The following SLC27A2 variants were observed in gnomAD, a reference collection of about 807,000 sequenced individuals.
SLC27A2 encodes solute carrier family 27 member 2.
In SLC27A2, 54 loss-of-function variants were observed where a neutral mutation model predicts 60.0. That is an observed-to-expected ratio of 0.90 (90% CI 0.72 to 1.13). The LOEUF is 1.13. Among genes scored for constraint, SLC27A2 ranks in the 50% most tolerant of loss-of-function variants. The pLI is 0.00. For missense variants in SLC27A2, 739 were observed against 777.6 expected, an observed-to-expected ratio of 0.95 and a Z score of 0.59; for synonymous variants, 297 against 297.6, an observed-to-expected ratio of 1.00 and a Z score of 0.02.
At chr15:50,212,509 G>A (rs537680129) in intron 4 of SLC27A2, among the ~76,000 whole-genome samples, 22 of 152,300 alleles carry the variant, frequency 1.4e-4, no homozygotes, top group African/African-American at 5.3e-4. Context: ...CCAAAGTTAA[G>A]ACCAAGGAAA....
At chr15:50,213,999 CA>C (rs563515592) in intron 4 of SLC27A2, among the ~76,000 whole-genome samples, 5 of 108,486 alleles carry the variant, frequency 4.6e-5, no homozygotes, top group South Asian at 3.6e-4. Flanking sequence ...AACAAACAAA[CA>C]AAAAAAAAGA....
At chr15:50,207,084 C>T (rs2045119034) in intron 4 of SLC27A2, among the ~76,000 whole-genome samples, 1 of 152,104 alleles carries the variant, frequency 6.6e-6, no homozygotes, top group African/African-American at 2.4e-5. Context: ...TTCTTCTCTA[C>T]CTTAAAGGCA....
intron 1 of SLC27A2, among the ~76,000 whole-genome samples, chr15:50,185,929 G>A (rs72737047): frequency 0.1 from 15,535 of 151,752 alleles, 886 homozygotes; most frequent in Middle Eastern, 0.14. Flanking sequence ...ACGCCTGGCC[G>A]GAAGCTTACT....
intron 4 of SLC27A2, 65 bp downstream of exon 4, chr15:50,205,428 G>A: frequency 1.3e-6 from 2 of 1,525,492 alleles, no homozygotes; most frequent in East Asian, 4.6e-5. Context: ...GTCACTTTGG[G>A]TTGTGCTAGG....
intron 4 of SLC27A2, among the ~76,000 whole-genome samples, chr15:50,218,663 A>G (rs2045220203): frequency 6.6e-6 from 1 of 152,224 alleles, no homozygotes; most frequent in East Asian, 1.9e-4. Flanking sequence ...CAGATATACA[A>G]TATTCAGATA....
chr15:50,205,179 A>T, intron 3 of SLC27A2, 60 bp from the exon 4 acceptor site: 1 of 1,552,360 alleles, frequency 6.4e-7, no homozygotes, highest in Non-Finnish European at 8.8e-7. Context: ...CAAATTAAAC[A>T]TAACTGGGAG....
intron 4 of SLC27A2, among the ~76,000 whole-genome samples, chr15:50,206,515 T>A (rs2045113585): frequency 6.6e-6 from 1 of 152,188 alleles, no homozygotes; most frequent in Non-Finnish European, 1.5e-5. Flanking sequence ...CTCACCTCAC[T>A]TTACTCAGTC....
chr15:50,224,312 A>C (rs978223882), intron 5 of SLC27A2, among the ~76,000 whole-genome samples: 2 of 151,928 alleles, frequency 1.3e-5, no homozygotes, highest in African/African-American at 2.4e-5. Context: ...TGGTGGCGGG[A>C]GCCTGTAATC....
rs754408664 is a variant in SLC27A2, at chr15:50,234,006, C to A, written c.1686+8C>A. The A allele has an allele frequency of 3.1e-6, 5 of 1,605,660 alleles. No individual in the cohort carries two copies. The highest frequency in any genetic ancestry group is 4.5e-5 in the East Asian group (2 of 44,806). ...CGGTTTCTAAGAATACAGGTGAGAT[C>A]TCTTATTATCCAGTTCAATGATCTG... On this transcript the variant is annotated splice_region_variant and intron_variant, in intron 9 of 9. Coordinates refer to ENST00000267842, the MANE Select transcript of SLC27A2 (RefSeq NM_003645.4).
intron 1 of SLC27A2, 35 bp from the exon 2 acceptor site, chr15:50,197,465 T>C (rs2045032352): frequency 1.3e-6 from 2 of 1,491,610 alleles, no homozygotes; most frequent in South Asian, 2.3e-5. Flanking sequence ...ATAGACTGAT[T>C]TAGTTTGTTT....
Position 50,216,595 on chromosome 15 carries a change from G to GGTGTGTGTGT in SLC27A2, c.973-6363_973-6354dup, listed in dbSNP as rs371273005. On this transcript the variant is annotated intron_variant, in intron 4 of 9. Transcript: ENST00000267842. ...ATCAACAAGTGGATAAAGAAACTGT[G>GGTGTGTGTGT]GTGTGTGTGTGTGTGTATATATATA... Among the ~76,000 whole-genome samples, 82 of 69,856 alleles carry GGTGTGTGTGT rather than the reference G, an allele frequency of 1.2e-3. 4 individuals are homozygous for GGTGTGTGTGT. The highest frequency in any genetic ancestry group is 3.2e-3 in the African/African-American group (63 of 19,640). The allele number at this position is 69,856 out of a possible 152,430, so 45.8% of individuals were successfully genotyped here.
intron 4 of SLC27A2, 29 bp downstream of exon 4, chr15:50,205,392 T>C: frequency 6.3e-7 from 1 of 1,585,442 alleles, no homozygotes; most frequent in Non-Finnish European, 8.6e-7. Flanking sequence ...TACTATCATT[T>C]TGAAATGGGT....
At chr15:50,199,497 GAAAAAA>G (rs1171404424) in intron 2 of SLC27A2, among the ~76,000 whole-genome samples, 2 of 141,926 alleles carry the variant, frequency 1.4e-5, no homozygotes, top group Non-Finnish European at 3.1e-5. Context: ...AAAAAAGAAA[GAAAAAA>G]AAAGAAAACC....
In SLC27A2 at chr15:50,182,449, G is replaced by T. The variant is rs780993235; in HGVS notation, c.22G>T (p.Val8Phe). Residue 8 changes from valine to phenylalanine, a missense_variant, in exon 1 of 10, where the codon GTC becomes TTC. Physicochemically the swap from Val to Phe is conservative, Grantham distance 50. Coordinates refer to ENST00000267842, the MANE Select transcript of SLC27A2 (RefSeq NM_003645.4). ...CGTCATGCTTTCCGCCATCTACACAGTCCTGGCGGGACTGCTGTTCCTGCC... is the reference window on the plus strand; with the variant it reads ...CGTCATGCTTTCCGCCATCTACACATTCCTGGCGGGACTGCTGTTCCTGCC... Reference protein sequence around the residue: MLSAIYTVLAGLLFLPLL... With the variant: MLSAIYTFLAGLLFLPLL... 3 of 1,607,112 alleles carry T rather than the reference G, an allele frequency of 1.9e-6. No homozygotes were observed. The South Asian group carries it at 3.3e-5, about 18-fold the overall frequency.
chr15:50,190,691 T>C (rs1010801301), intron 1 of SLC27A2, among the ~76,000 whole-genome samples: 2 of 151,832 alleles, frequency 1.3e-5, no homozygotes, highest in African/African-American at 4.8e-5. Context: ...GAACAGACTT[T>C]AAAGGGGATG....
chr15:50,222,085 T>C (rs1303514264), intron 4 of SLC27A2: 1 of 152,256 alleles, frequency 6.6e-6, no homozygotes, highest in Non-Finnish European at 1.5e-5. Flanking sequence ...TGTGGTTGAA[T>C]GGAAGGCAGC....
At chr15:50,232,370 TG>T (rs2045321696) in intron 8 of SLC27A2, among the ~76,000 whole-genome samples, 1 of 152,332 alleles carries the variant, frequency 6.6e-6, no homozygotes, top group African/African-American at 2.4e-5. Context: ...ACTTGAAATG[TG>T]GCTAGTGCAA....
intron 2 of SLC27A2, among the ~76,000 whole-genome samples, chr15:50,201,832 G>A (rs1349507365): frequency 6.6e-6 from 1 of 152,174 alleles, no homozygotes; most frequent in Non-Finnish European, 1.5e-5. Context: ...TAGGATTACA[G>A]GCGTGAGCCA....
intron 5 of SLC27A2, 134 bp downstream of exon 5, chr15:50,223,293 A>C (rs1595691248): frequency 1.7e-6 from 1 of 581,500 alleles, no homozygotes; most frequent in East Asian, 3.1e-5. Context: ...CACCAAGAGA[A>C]GTTTTGCTCA....
Sources: allele counts gnomAD v4.1 joint callset (sites outside exome capture counted in the v4.1 genomes callset), GRCh38; gene constraint gnomAD v4.1.1; transcripts MANE v1.5; gene names NCBI Gene and HGNC (gene_info 2026-07-23, HGNC 2026-07-21).